The following WDR93 variants were observed in gnomAD, a reference collection of about 807,000 sequenced individuals.
WDR93 encodes the protein WD repeat-containing protein 93.
WDR93 carries 73 observed loss-of-function variants against 82.9 expected under a neutral mutation model. The ratio of observed to expected loss-of-function variants is 0.88; its 90% CI spans 0.73 to 1.07. WDR93 has a LOEUF of 1.07. Among genes scored for constraint, WDR93 ranks in the 50% least tolerant of loss-of-function variants. WDR93 has a pLI of 0.00. For synonymous variants in WDR93, 283 were observed against 300.1 expected, an observed-to-expected ratio of 0.94 and a Z score of 0.59; for missense variants, 738 against 826.0, an observed-to-expected ratio of 0.89 and a Z score of 1.31.
At position 89,722,147 on chromosome 15, in the gene WDR93, T is replaced by G; in HGVS notation, c.880+8T>G. The G allele has an allele frequency of 4.4e-6, 7 of 1,576,284 alleles. No homozygotes were observed. The highest frequency in any genetic ancestry group is 6.1e-6 in the Non-Finnish European group (7 of 1,156,810). On this transcript the variant is annotated splice_region_variant and intron_variant, in intron 8 of 16. Transcript: ENST00000268130. ...CACCTAAGCCTGTTACAGGTAAGTG[T>G]GATTCAAATCTCTCTCCTTTTGCCA...
chr15:89,734,828 A>C (rs991871584), intron 13 of WDR93, among the ~76,000 whole-genome samples: 2 of 151,840 alleles, frequency 1.3e-5, no homozygotes, highest in African/African-American at 4.8e-5. Context: ...CTGTGAAAAG[A>C]ACAAAAATTA....
At chr15:89,695,800 C>T (rs934685348) in intron 1 of WDR93, among the ~76,000 whole-genome samples, 1 of 149,382 alleles carries the variant, frequency 6.7e-6, no homozygotes, top group Non-Finnish European at 1.5e-5. Context: ...CCAAAAAACT[C>T]CCTCATGCTG....
In WDR93 at chr15:89,716,853, G is replaced by A. The variant is rs1018984199; in HGVS notation, c.757-58G>A. The A allele has an allele frequency of 9.2e-6, 11 of 1,193,316 alleles. No homozygotes were observed. In the East Asian group the frequency reaches 2.5e-4, roughly 27 times the overall value. The allele number at this position is 1,193,316 out of a possible 1,614,324, so 73.9% of individuals were successfully genotyped here. A position where few individuals can be genotyped will look rare whatever the true frequency, so the allele number is the denominator to read the frequency against. On this transcript the variant is annotated intron_variant, in intron 6 of 16. Coordinates refer to ENST00000268130, the MANE Select transcript of WDR93 (RefSeq NM_020212.2). The stretch of plus-strand genomic sequence containing the variant: ...AGAGAGAGCATGCCAGAAGATTAAA[G>A]GGGGTGGTAAACATACATCAAACCT...
At chr15:89,741,835 T>C (rs1303406523) in intron 16 of WDR93, among the ~76,000 whole-genome samples, 2 of 152,046 alleles carry the variant, frequency 1.3e-5, no homozygotes, top group East Asian at 3.9e-4. Flanking sequence ...CACTGCAACC[T>C]CTGCCTCCCA....
At chr15:89,734,343 T>G (rs1290857268) in intron 13 of WDR93, among the ~76,000 whole-genome samples, 1 of 152,188 alleles carries the variant, frequency 6.6e-6, no homozygotes, top group East Asian at 1.9e-4. Context: ...TCTTCTAAGA[T>G]AGCTTCACTC....
chr15:89,723,136 G>C (rs1031813122), intron 8 of WDR93, among the ~76,000 whole-genome samples: 1 of 152,052 alleles, frequency 6.6e-6, no homozygotes, highest in African/African-American at 2.4e-5. Flanking sequence ...AGGAAGCAGA[G>C]GTTGCAGTGA....
rs1291494438 is a variant in WDR93, at chr15:89,733,142, G to A, written c.1467G>A (p.Val489=). The change falls in exon 13 of 17, where the codon GTG becomes GTA. Residue 489 remains valine (V), a synonymous_variant. Coordinates refer to ENST00000268130, the MANE Select transcript of WDR93 (RefSeq NM_020212.2). ...TGAAATCCCAAATGAAATGTGTGGT[G>A]CTGTGCACAGACGCCTCCCTCCATC... ...GQVKSQMKCV[V]LCTDASLHLV... 1.2e-6 allele frequency: 2 copies of A among 1,614,074 alleles called. No homozygotes were observed. Among genetic ancestry groups the A allele is most frequent in the African/African-American group, 2.7e-5 (2 of 74,936 alleles).
At chr15:89,729,885 T>G (rs1966844561) in intron 11 of WDR93, 116 bp downstream of exon 11, 1 of 849,400 alleles carries the variant, frequency 1.2e-6, no homozygotes, top group Admixed American at 2.4e-5. Flanking sequence ...AGGGACCAGA[T>G]CTAGGCAGGC....
At chr15:89,702,846 G>A in intron 2 of WDR93, 104 bp from the exon 3 acceptor site, 1 of 1,290,018 alleles carries the variant, frequency 7.8e-7, no homozygotes, top group South Asian at 1.5e-5. Context: ...GCCAGGAAAT[G>A]TTATTATTAT....
At chr15:89,715,737 C>T (rs1033008701) in intron 6 of WDR93, among the ~76,000 whole-genome samples, 18 of 152,256 alleles carry the variant, frequency 1.2e-4, no homozygotes, top group African/African-American at 4.3e-4. Flanking sequence ...GTGCACGCTG[C>T]CATGCCAGGC....
intron 15 of WDR93, 77 bp from the exon 16 acceptor site, chr15:89,737,964 C>G (rs1967342245): frequency 8.3e-6 from 12 of 1,449,324 alleles, no homozygotes; most frequent in Non-Finnish European, 1.1e-5. Flanking sequence ...GAGCAGCCCC[C>G]ACCTGCTCAC....
chr15:89,693,213 C>T (rs1384749592), intron 1 of WDR93, among the ~76,000 whole-genome samples: 5 of 152,110 alleles, frequency 3.3e-5, no homozygotes, highest in Admixed American at 3.3e-4. Flanking sequence ...TTTAATTTTC[C>T]TACTGTAATA....
At chr15:89,730,451 C>G (rs1184033339) in intron 11 of WDR93, among the ~76,000 whole-genome samples, 3 of 152,154 alleles carry the variant, frequency 2.0e-5, no homozygotes, top group Admixed American at 2.0e-4. Flanking sequence ...CCCCAACCCA[C>G]TTTTCATGCA....
At chr15:89,730,345 A>G (rs1966850002) in intron 11 of WDR93, among the ~76,000 whole-genome samples, 2 of 136,076 alleles carry the variant, frequency 1.5e-5, no homozygotes, top group South Asian at 4.8e-4. Flanking sequence ...AAAAAAAAAG[A>G]GAGAGATTGA....
At chr15:89,694,156 CTT>C (rs1335090161) in intron 1 of WDR93, among the ~76,000 whole-genome samples, 1 of 151,266 alleles carries the variant, frequency 6.6e-6, no homozygotes, top group African/African-American at 2.4e-5. Flanking sequence ...TGCTGAACAT[CTT>C]TTTATGAGTC....
At chr15:89,725,089 T>A (rs1966680990) in intron 8 of WDR93, among the ~76,000 whole-genome samples, 1 of 152,208 alleles carries the variant, frequency 6.6e-6, no homozygotes, top group South Asian at 2.1e-4. Flanking sequence ...CTTCTAGGAA[T>A]GTACCCATAG....
At chr15:89,724,282 C>T (rs1413313360) in intron 8 of WDR93, among the ~76,000 whole-genome samples, 1 of 152,048 alleles carries the variant, frequency 6.6e-6, no homozygotes, top group Non-Finnish European at 1.5e-5. Context: ...GCAGAAGTTG[C>T]AGTGAGCTGA....
chr15:89,698,833 AGT>A (rs1490828262), intron 1 of WDR93, among the ~76,000 whole-genome samples: 1 of 152,088 alleles, frequency 6.6e-6, no homozygotes, highest in East Asian at 1.9e-4. Flanking sequence ...TAATGCATCC[AGT>A]GTTTTTCACT....
intron 1 of WDR93, 42 bp from the exon 2 acceptor site, chr15:89,701,665 C>T: frequency 6.7e-7 from 1 of 1,495,722 alleles, no homozygotes. Context: ...CTTCTCATTG[C>T]TTCCTTTCTT....
Sources: allele counts gnomAD v4.1 joint callset (sites outside exome capture counted in the v4.1 genomes callset), GRCh38; gene constraint gnomAD v4.1.1; transcripts MANE v1.5; gene names NCBI Gene and HGNC (gene_info 2026-07-23, HGNC 2026-07-21).